Variants in PAX7 observed in about 807,000 individuals in gnomAD.
The protein encoded by PAX7 is paired box 7.
In PAX7, 18 loss-of-function variants were observed where a neutral mutation model predicts 50.7. The observed-to-expected ratio is 0.36, with a 90% CI of 0.25 to 0.53. The LOEUF is 0.53. Among genes scored for constraint, PAX7 ranks in the 20% least tolerant of loss-of-function variants. PAX7 has a pLI of 0.93. For synonymous variants in PAX7, 310 were observed against 290.4 expected, an observed-to-expected ratio of 1.07 and a Z score of -0.69; for missense variants, 644 against 702.9, an observed-to-expected ratio of 0.92 and a Z score of 0.95.
intron 7 of PAX7, among the ~76,000 whole-genome samples, chr1:18,716,611 C>G (rs2089425247): frequency 6.6e-6 from 1 of 151,786 alleles, no homozygotes; most frequent in Non-Finnish European, 1.5e-5. Context: ...GCCACCACCC[C>G]CTTGCTCACC....
chr1:18,634,178 CG>C lies in PAX7; in HGVS notation c.86-122del. ...ACCGAAGCCCCAGTGTGAGGACCACCGGGATTGCTGTCTGAGGTCTTGGGGC... is the reference window on the plus strand; with the variant it reads ...ACCGAAGCCCCAGTGTGAGGACCACCGGATTGCTGTCTGAGGTCTTGGGGC... On this transcript the variant is annotated intron_variant, in intron 1 of 8. Coordinates refer to ENST00000420770, the MANE Select transcript of PAX7 (RefSeq NM_001135254.2). This position sits in a 1 kb window ranked among gnomAD's most constrained non-coding sequence, Gnocchi z 4.0. 1.5e-6 allele frequency: 1 copy of C among 689,258 alleles called. No individual in the cohort carries two copies. Among genetic ancestry groups the C allele is most frequent in the South Asian group, 1.9e-5 (1 of 54,028 alleles). 42.7% of individuals were successfully genotyped at this position (689,258 alleles called of 1,614,324 possible).
intron 4 of PAX7, among the ~76,000 whole-genome samples, chr1:18,648,647 C>G (rs928238601): frequency 1.1e-4 from 16 of 152,244 alleles, no homozygotes; most frequent in African/African-American, 3.9e-4. Context: ...CCAGCCATTC[C>G]ACTACTATTT....
chr1:18,643,379 G>A (rs968990727), intron 4 of PAX7, among the ~76,000 whole-genome samples: 2 of 152,244 alleles, frequency 1.3e-5, no homozygotes, highest in African/African-American at 4.8e-5. Context: ...GGGAGAGGCA[G>A]CGGAGACAGA....
rs575509427 is a variant in PAX7 at position 18,717,050 on chromosome 1, C to A, written c.1155+13754C>A. Among the ~76,000 whole-genome samples, 526 of 152,082 alleles carry A rather than the reference C, an allele frequency of 3.5e-3. 2 individuals are homozygous for A. Among genetic ancestry groups the A allele is most frequent in the African/African-American group, 0.012 (488 of 41,546 alleles). ...CCTCCCCGCGCTCCGCCGCCGCCGC[C>A]GTCGCCGCCGCGCCTTTGATCCATG... is the stretch of plus-strand genomic sequence containing the variant. On this transcript the variant is annotated intron_variant, in intron 7 of 8. Transcript: ENST00000420770.
intron 5 of PAX7, among the ~76,000 whole-genome samples, chr1:18,699,825 T>TCACA (rs2089195079): frequency 6.6e-6 from 1 of 152,084 alleles, no homozygotes; most frequent in African/African-American, 2.4e-5. Flanking sequence ...CCTCCCAAAG[T>TCACA]GCTGGGATTA....
intron 5 of PAX7, among the ~76,000 whole-genome samples, chr1:18,697,334 T>C (rs1359585235): frequency 6.6e-6 from 1 of 152,204 alleles, no homozygotes; most frequent in South Asian, 2.1e-4. Context: ...TTAGAGCGTT[T>C]ATTTCCCTCT....
intron 4 of PAX7, among the ~76,000 whole-genome samples, chr1:18,670,537 ACC>A (rs2088729321): frequency 6.6e-6 from 1 of 151,774 alleles, no homozygotes; most frequent in African/African-American, 2.4e-5. Context: ...TCCACTAAGC[ACC>A]TCTCCACTCT....
intron 4 of PAX7, among the ~76,000 whole-genome samples, chr1:18,649,706 T>C (rs765081186): frequency 8.5e-5 from 13 of 152,142 alleles, no homozygotes; most frequent in Non-Finnish European, 7.3e-5. Flanking sequence ...GGTTAGTCTG[T>C]CCACCATCCG....
intron 7 of PAX7, among the ~76,000 whole-genome samples, chr1:18,728,834 C>T (rs2089611255): frequency 6.6e-6 from 1 of 151,710 alleles, no homozygotes; most frequent in South Asian, 2.1e-4. Flanking sequence ...CATTGCACTC[C>T]AGCCTGGGCA....
rs1004888620 is a variant in PAX7, at chr1:18,716,128, C to T, written c.1155+12832C>T. On this transcript the variant is annotated intron_variant, in intron 7 of 8. Transcript: ENST00000420770. Reference sequence around the variant, plus strand: ...TCTCCAACACCTTTTTCAGTGGGGACGGGTGTCCTTGGCCACCAGGGGAGT... The same window carrying T: ...TCTCCAACACCTTTTTCAGTGGGGATGGGTGTCCTTGGCCACCAGGGGAGT... 5.9e-5 allele frequency among the ~76,000 whole-genome samples: 9 copies of T among 152,062 alleles called. No individual in the cohort carries two copies. In the East Asian group the frequency reaches 9.6e-4, roughly 16 times the overall value.
intron 4 of PAX7, among the ~76,000 whole-genome samples, chr1:18,668,529 C>T (rs2100229125): frequency 6.6e-6 from 1 of 152,180 alleles, no homozygotes; most frequent in East Asian, 1.9e-4. Context: ...AGTGAGACCC[C>T]ATCTTTACAA....
rs1010338437 is a variant in PAX7 at position 18,700,482 on chromosome 1, T to C, written c.787-171T>C. Reference sequence around the variant, plus strand: ...TGGTTGTGAGGGCAGAATGGGGTCATACCTATGAAATCACTCTGCAAAGCG... The same window carrying C: ...TGGTTGTGAGGGCAGAATGGGGTCACACCTATGAAATCACTCTGCAAAGCG... On this transcript the variant is annotated intron_variant, in intron 5 of 8. Coordinates refer to ENST00000420770, the MANE Select transcript of PAX7 (RefSeq NM_001135254.2). The surrounding 1 kb of genome is among the most constrained non-coding windows in gnomAD (Gnocchi z 4.8). 2.3e-4 allele frequency among the ~76,000 whole-genome samples: 35 copies of C among 152,128 alleles called. No individual in the cohort carries two copies. The highest frequency in any genetic ancestry group is 7.5e-4 in the African/African-American group (31 of 41,424).
At chr1:18,740,629 T>C (rs1931083528) in intron 8 of PAX7, among the ~76,000 whole-genome samples, 2 of 152,272 alleles carry the variant, frequency 1.3e-5, no homozygotes, top group South Asian at 4.1e-4. Flanking sequence ...TCAAAGCCAG[T>C]GAAAACTAGA....
At chr1:18,666,215 C>T (rs2088667394) in intron 4 of PAX7, among the ~76,000 whole-genome samples, 1 of 152,178 alleles carries the variant, frequency 6.6e-6, no homozygotes, top group Non-Finnish European at 1.5e-5. Context: ...CAGGCTGTGC[C>T]CATCTAATTC....
chr1:18,708,955 A>G (rs576209868), intron 7 of PAX7, among the ~76,000 whole-genome samples: 34 of 152,290 alleles, frequency 2.2e-4, no homozygotes, highest in African/African-American at 8.2e-4. Context: ...TGAGATCCCA[A>G]GCAAAGAACC....
At chr1:18,645,681 A>G (rs912873249) in intron 4 of PAX7, among the ~76,000 whole-genome samples, 2 of 152,322 alleles carry the variant, frequency 1.3e-5, no homozygotes, top group Non-Finnish European at 2.9e-5. Flanking sequence ...TGTGTTCTGA[A>G]CACTTTTGCA....
At chr1:18,720,176 G>A (rs143733012) in intron 7 of PAX7, among the ~76,000 whole-genome samples, 73 of 152,318 alleles carry the variant, frequency 4.8e-4, no homozygotes, top group Admixed American at 2.3e-3. Context: ...GCGTGCCTGC[G>A]GATGTTTGAG....
In PAX7 at chr1:18,631,657, GA is replaced by G. The variant is rs1212835471; in HGVS notation, c.56del (p.Asn19ThrfsTer41). On this transcript the variant is annotated frameshift_variant, in exon 1 of 9. Transcript: ENST00000420770. LOFTEE classifies it high-confidence loss of function. ...PRMMRPAPGQNYPRTGFPLEV... is the reference protein window; with the variant it reads ...PRMMRPAPGQXYPRTGFPLEV... ...GAATGATGCGGCCGGCTCCGGGGCAGAACTACCCCCGCACGGGATTCCCTTT... is the reference window on the plus strand; with the variant it reads ...GAATGATGCGGCCGGCTCCGGGGCAGACTACCCCCGCACGGGATTCCCTTT... The G allele has an allele frequency of 6.2e-7, 1 of 1,613,034 alleles. No homozygotes were observed. The highest frequency in any genetic ancestry group is 1.3e-5 in the African/African-American group (1 of 74,930).
At position 18,703,224 on chromosome 1, in the gene PAX7, C is replaced by T. The variant is rs773713311; in HGVS notation, c.1083C>T (p.Tyr361=). 1.5e-5 allele frequency: 24 copies of T among 1,614,240 alleles called. No homozygotes were observed. The South Asian group carries it at 1.9e-4, about 13-fold the overall frequency. ...AYGARHSFSS[Y]SDSFMNPAAP... The stretch of plus-strand genomic sequence containing the variant: ...GAGCCCGCCACAGCTTCTCCAGCTA[C>T]TCTGACAGCTTCATGAATCCGGCGG... The change falls in exon 7 of 9, where the codon TAC becomes TAT. Residue 361 remains tyrosine, a synonymous_variant. Transcript: ENST00000420770.
Sources: gnomAD v4.1 joint callset for allele counts (sites outside exome capture counted in the v4.1 genomes callset) on GRCh38, gnomAD v4.1.1 for gene constraint, Gnocchi (gnomAD v3.1) non-coding constraint, MANE v1.5 for transcripts, NCBI Gene and HGNC (gene_info 2026-07-23, HGNC 2026-07-21) for gene names.